The following CPQ variants were observed in gnomAD, a reference collection of about 807,000 sequenced individuals.
The protein encoded by CPQ is carboxypeptidase Q, also known as Ser-Met dipeptidase.
Under a neutral mutation model 45.7 loss-of-function variants are expected in CPQ, and 37 were observed. The ratio of observed to expected loss-of-function variants is 0.81; its 90% confidence interval spans 0.62 to 1.07. CPQ has a LOEUF of 1.07. Ranked by LOEUF, CPQ falls within the 50% of genes least tolerant of loss-of-function variation. The pLI, the probability that CPQ is intolerant of heterozygous loss-of-function variation, is 0.00. For synonymous variants in CPQ, 186 were observed against 205.8 expected, an observed-to-expected ratio of 0.90 and a Z score of 0.82; for missense variants, 537 against 572.9, an observed-to-expected ratio of 0.94 and a Z score of 0.64.
chr8:96,730,967 A>G (rs1253890126), intron 1 of CPQ, among the ~76,000 whole-genome samples: 4 of 150,170 alleles, frequency 2.7e-5, no homozygotes, highest in Non-Finnish European at 4.4e-5. Flanking sequence ...ATGCATAAAA[A>G]AGATTAAAGT....
intron 4 of CPQ, among the ~76,000 whole-genome samples, chr8:96,926,564 C>CTTCT (rs1563530761): frequency 4.7e-5 from 3 of 64,322 alleles, no homozygotes; most frequent in African/African-American, 2.8e-4. Context: ...CTTCCTCTTC[C>CTTCT]TCTTCCTCTT....
chr8:96,781,495 A>C (rs939474365), intron 1 of CPQ, among the ~76,000 whole-genome samples: 1 of 152,206 alleles, frequency 6.6e-6, no homozygotes. Context: ...GGGCAAATCC[A>C]TCATGATCTA....
intron 2 of CPQ, among the ~76,000 whole-genome samples, chr8:96,830,217 A>G (rs1811435856): frequency 6.6e-6 from 1 of 152,174 alleles, no homozygotes; most frequent in Non-Finnish European, 1.5e-5. Flanking sequence ...AATTTTCTAA[A>G]ACATACCACA....
intron 1 of CPQ, among the ~76,000 whole-genome samples, chr8:96,692,389 C>T (rs545089096): frequency 6.6e-6 from 1 of 152,234 alleles, no homozygotes; most frequent in Non-Finnish European, 1.5e-5. Context: ...AGACCCAGTG[C>T]TATGCTGGCT....
chr8:97,140,940 A>T (rs1170714060), intron 7 of CPQ, among the ~76,000 whole-genome samples: 1 of 152,124 alleles, frequency 6.6e-6, no homozygotes, highest in Non-Finnish European at 1.5e-5. Context: ...ACCGCAGATC[A>T]GTGGAGAAAG....
At chr8:96,936,355 C>G (rs1342873061) in intron 4 of CPQ, among the ~76,000 whole-genome samples, 4 of 152,134 alleles carry the variant, frequency 2.6e-5, no homozygotes, top group African/African-American at 9.7e-5. Context: ...TATATAATTT[C>G]TGACTCATTT....
At chr8:96,792,760 A>G (rs1406169232) in intron 2 of CPQ, among the ~76,000 whole-genome samples, 1 of 152,122 alleles carries the variant, frequency 6.6e-6, no homozygotes, top group East Asian at 1.9e-4. Context: ...CACTTGTACT[A>G]AAATAAGGCC....
chr8:96,857,754 A>G lies in CPQ; in HGVS notation c.642-22044A>G, dbSNP rs575693651. 2.6e-5 allele frequency among the ~76,000 whole-genome samples: 4 copies of G among 152,292 alleles called. No homozygotes were observed. In the South Asian group the frequency reaches 8.3e-4, roughly 32 times the overall value. On this transcript the variant is annotated intron_variant, in intron 3 of 7. Transcript: ENST00000220763. ...TTTTCTTGTCCCTGTGTTCCTCATA[A>G]CTCAAAACTGCTGACCCATTTAGGA...
intron 1 of CPQ, among the ~76,000 whole-genome samples, chr8:96,781,860 A>T (rs1386442683): frequency 1.3e-5 from 2 of 152,194 alleles, no homozygotes; most frequent in African/African-American, 2.4e-5. Context: ...TAAATAGGCA[A>T]GGAAGGGGTA....
At chr8:96,831,933 T>TCACATTTCAAGTGGTCAATAGC (rs1456932298) in intron 2 of CPQ, among the ~76,000 whole-genome samples, 2 of 152,198 alleles carry the variant, frequency 1.3e-5, no homozygotes, top group Non-Finnish European at 2.9e-5. Flanking sequence ...GTCAGTCTAG[T>TCACATTTCAAGTGGTCAATAGC]CACATTTCAA....
At chr8:97,119,659 A>G (rs998324173) in intron 7 of CPQ, among the ~76,000 whole-genome samples, 2 of 152,106 alleles carry the variant, frequency 1.3e-5, no homozygotes, top group Non-Finnish European at 2.9e-5. Flanking sequence ...TCCCTCATGT[A>G]CCTCAGTGGG....
intron 1 of CPQ, among the ~76,000 whole-genome samples, chr8:96,757,121 G>GT (rs750072617): frequency 2.0e-5 from 3 of 152,054 alleles, no homozygotes; most frequent in Non-Finnish European, 4.4e-5. Flanking sequence ...GGCTGAGGTG[G>GT]TAGATCACTT....
intron 7 of CPQ, among the ~76,000 whole-genome samples, chr8:97,071,681 G>C (rs1181080213): frequency 6.6e-6 from 1 of 152,122 alleles, no homozygotes; most frequent in Non-Finnish European, 1.5e-5. Flanking sequence ...CTTCTAGAAT[G>C]AACTTTCTAA....
intron 3 of CPQ, among the ~76,000 whole-genome samples, chr8:96,860,367 A>G (rs1377358742): frequency 2.0e-5 from 3 of 152,178 alleles, no homozygotes; most frequent in Admixed American, 6.5e-5. Context: ...TATTATTGCT[A>G]TGGCCATGGC....
At chr8:96,684,662 T>G (rs1275919666) in intron 1 of CPQ, among the ~76,000 whole-genome samples, 1 of 152,136 alleles carries the variant, frequency 6.6e-6, no homozygotes, top group Admixed American at 6.6e-5. Flanking sequence ...TGGGTGCCAG[T>G]GGCAGCAAGA....
chr8:96,727,053 T>C (rs996142599), intron 1 of CPQ, among the ~76,000 whole-genome samples: 2 of 152,230 alleles, frequency 1.3e-5, no homozygotes, highest in Non-Finnish European at 2.9e-5. Flanking sequence ...TTCTAGGTTA[T>C]TGCTGTTGAG....
chr8:96,951,826 C>T (rs1382687389), intron 4 of CPQ, among the ~76,000 whole-genome samples: 2 of 151,360 alleles, frequency 1.3e-5, no homozygotes, highest in Non-Finnish European at 2.9e-5. Flanking sequence ...TTTCAGCTTC[C>T]CAAGTGAATC....
chr8:97,067,613 A>G (rs1226068382), intron 7 of CPQ, among the ~76,000 whole-genome samples: 1 of 152,214 alleles, frequency 6.6e-6, no homozygotes, highest in Non-Finnish European at 1.5e-5. Flanking sequence ...GCAATACTGC[A>G]GATTTTTAAG....
At chr8:97,017,014 A>G (rs1203431072) in intron 5 of CPQ, among the ~76,000 whole-genome samples, 1 of 152,214 alleles carries the variant, frequency 6.6e-6, no homozygotes, top group Non-Finnish European at 1.5e-5. Context: ...GAGAACCCAT[A>G]GACCCTCTGA....
Sources: gnomAD v4.1 joint callset for allele counts (sites outside exome capture counted in the v4.1 genomes callset) on GRCh38, gnomAD v4.1.1 for gene constraint, MANE v1.5 for transcripts, NCBI Gene and HGNC (gene_info 2026-07-23, HGNC 2026-07-21) for gene names.